The following SAXO1 variants were observed in gnomAD, a reference collection of about 807,000 sequenced individuals.
SAXO1 encodes stabilizer of axonemal microtubules 1, also known as 4930500O09Rik.
Under a neutral mutation model 17.5 loss-of-function variants are expected in SAXO1, and 21 were observed. The ratio of observed to expected loss-of-function variants is 1.20; its 90% confidence interval spans 0.85 to 1.72. SAXO1 has a LOEUF of 1.72. Among genes scored for constraint, SAXO1 ranks in the 40% most tolerant of loss-of-function variants. The probability of loss-of-function intolerance (pLI) is 0.00; values close to 1 mark genes in which losing one functional copy is unlikely to be tolerated. For synonymous variants in SAXO1, 274 were observed against 216.5 expected, an observed-to-expected ratio of 1.27 and a Z score of -2.33; for missense variants, 843 against 596.0, an observed-to-expected ratio of 1.41 and a Z score of -4.32.
chr9:18,993,802 A>G (rs1205779318), intron 1 of SAXO1, among the ~76,000 whole-genome samples: 1 of 152,124 alleles, frequency 6.6e-6, no homozygotes, highest in African/African-American at 2.4e-5. Flanking sequence ...CCTTAAAGTC[A>G]CCCTATGCCA....
rs375442616 is a variant in SAXO1, at chr9:18,928,744, G to T, written c.733C>A (p.Arg245=). ...TTGGCAGGCTCCCCCATCAGGCCCC[G>T]GTAGGATTGTTTTTGAGTGGTAAGG... ...ESLTTQKQSY[R]GLMGEPAKSL... Residue 245 remains arginine, a synonymous_variant, in exon 4 of 4, where the codon CGG becomes AGG. Coordinates refer to ENST00000380534, the MANE Select transcript of SAXO1 (RefSeq NM_153707.4). The T allele has an allele frequency of 1.9e-6, 3 of 1,614,076 alleles. No homozygotes were observed. The highest frequency in any genetic ancestry group is 2.5e-6 in the Non-Finnish European group (3 of 1,180,032).
chr9:18,989,900 G>C (rs548930899), intron 1 of SAXO1, among the ~76,000 whole-genome samples: 1 of 152,250 alleles, frequency 6.6e-6, no homozygotes, highest in East Asian at 1.9e-4. Flanking sequence ...TAACCTTTGA[G>C]GACCAAGGGA....
chr9:19,006,627 G>A (rs1026660545), intron 1 of SAXO1, among the ~76,000 whole-genome samples: 18 of 152,204 alleles, frequency 1.2e-4, no homozygotes, highest in African/African-American at 2.4e-5. Context: ...AGGGGTAATG[G>A]GAAGTTATTT....
At chr9:18,984,886 A>G (rs1201433216) in intron 1 of SAXO1, among the ~76,000 whole-genome samples, 1 of 152,138 alleles carries the variant, frequency 6.6e-6, no homozygotes, top group East Asian at 1.9e-4. Flanking sequence ...CTTGCCTTTC[A>G]ATATGCCCTT....
chr9:19,002,590 T>C (rs982498900), intron 1 of SAXO1, among the ~76,000 whole-genome samples: 1 of 152,182 alleles, frequency 6.6e-6, no homozygotes, highest in Non-Finnish European at 1.5e-5. Flanking sequence ...TGGTTCAACA[T>C]AGGCAAATTA....
chr9:18,983,323 G>C (rs1432391375), intron 1 of SAXO1, among the ~76,000 whole-genome samples: 2 of 152,096 alleles, frequency 1.3e-5, no homozygotes, highest in Non-Finnish European at 2.9e-5. Flanking sequence ...CACTTTTAAA[G>C]CATCAGATCT....
chr9:19,013,617 G>A (rs1272180171), intron 1 of SAXO1, among the ~76,000 whole-genome samples: 3 of 126,390 alleles, frequency 2.4e-5, no homozygotes, highest in Admixed American at 1.0e-4. Flanking sequence ...TACAATCTCC[G>A]CTCACTGCAA....
intron 1 of SAXO1, among the ~76,000 whole-genome samples, chr9:19,030,187 CAG>C (rs1835692806): frequency 6.6e-6 from 1 of 151,784 alleles, no homozygotes; most frequent in Non-Finnish European, 1.5e-5. Flanking sequence ...GGATAAGGAT[CAG>C]AAAAGGGACA....
chr9:18,963,349 T>C (rs1044410949), intron 1 of SAXO1, among the ~76,000 whole-genome samples: 21 of 152,108 alleles, frequency 1.4e-4, no homozygotes, highest in African/African-American at 4.3e-4. Context: ...AGAAAGTTAA[T>C]GGTAGCTTGA....
chr9:18,948,444 T>G (rs544013638), intron 2 of SAXO1, among the ~76,000 whole-genome samples: 2 of 152,346 alleles, frequency 1.3e-5, no homozygotes, highest in South Asian at 4.1e-4. Flanking sequence ...ACAGCTTATT[T>G]TGGAAATTCT....
intron 1 of SAXO1, among the ~76,000 whole-genome samples, chr9:18,980,126 T>C (rs1833314070): frequency 6.6e-6 from 1 of 152,170 alleles, no homozygotes; most frequent in African/African-American, 2.4e-5. Context: ...TTCTTCATGA[T>C]TAACAAATTA....
chr9:18,996,652 C>CA (rs575900194), intron 1 of SAXO1, among the ~76,000 whole-genome samples: 258 of 151,488 alleles, frequency 1.7e-3, no homozygotes, highest in African/African-American at 5.4e-3. Flanking sequence ...CCTTTCTCGA[C>CA]AAAAAAAACA....
At chr9:19,014,349 C>T (rs574559098) in intron 1 of SAXO1, among the ~76,000 whole-genome samples, 2 of 151,010 alleles carry the variant, frequency 1.3e-5, no homozygotes, top group African/African-American at 4.9e-5. Flanking sequence ...GTAATCCCAG[C>T]TACTCGGCAG....
chr9:18,945,119 T>C (rs939639483), intron 2 of SAXO1, among the ~76,000 whole-genome samples: 2 of 152,172 alleles, frequency 1.3e-5, no homozygotes, highest in African/African-American at 2.4e-5. Flanking sequence ...CAAGACACTA[T>C]CCTCACTGAG....
rs368122906 is a variant in SAXO1 at position 18,997,765 on chromosome 9, GAGGA to G, written c.38+35102_38+35105del. On this transcript the variant is annotated intron_variant, in intron 1 of 3. Transcript: ENST00000380534. ...GTGCCGATCAAGGATGAAGCTTCCA[GAGGA>G]AGGTTCAGTCAGCAATATTTGCTGT... 1.6e-4 allele frequency among the ~76,000 whole-genome samples: 25 copies of G among 152,322 alleles called. No individual in the cohort carries two copies. The East Asian group carries it at 4.8e-3, about 29-fold the overall frequency.
intron 3 of SAXO1, among the ~76,000 whole-genome samples, chr9:18,932,229 C>T (rs1233724045): frequency 6.6e-6 from 1 of 152,208 alleles, no homozygotes; most frequent in Admixed American, 6.5e-5. Context: ...GATGCGGTAA[C>T]TTCGTCTTTT....
chr9:18,936,034 C>T (rs1034772357), intron 3 of SAXO1, among the ~76,000 whole-genome samples: 2 of 152,104 alleles, frequency 1.3e-5, no homozygotes, highest in African/African-American at 4.8e-5. Flanking sequence ...AATTTTTTTG[C>T]ATACCAGTGG....
At chr9:19,015,068 T>C (rs1223401780) in intron 1 of SAXO1, among the ~76,000 whole-genome samples, 2 of 152,190 alleles carry the variant, frequency 1.3e-5, no homozygotes, top group African/African-American at 4.8e-5. Context: ...CGTTAAGTGC[T>C]GGTGTCACGT....
At chr9:18,940,539 C>T (rs1202944633) in intron 3 of SAXO1, among the ~76,000 whole-genome samples, 1 of 152,170 alleles carries the variant, frequency 6.6e-6, no homozygotes, top group East Asian at 1.9e-4. Context: ...TCCCTACCTC[C>T]ACCACCCTCT....
Sources: gnomAD v4.1 joint callset for allele counts (sites outside exome capture counted in the v4.1 genomes callset) on GRCh38, gnomAD v4.1.1 for gene constraint, MANE v1.5 for transcripts, NCBI Gene and HGNC (gene_info 2026-07-23, HGNC 2026-07-21) for gene names.